The following PIBF1 variants were observed in gnomAD, a reference collection of about 807,000 sequenced individuals.
The protein encoded by PIBF1 is progesterone-induced-blocking factor 1.
In PIBF1, 90 loss-of-function variants were observed where a neutral mutation model predicts 112.5. The observed-to-expected ratio is 0.80, with a 90% CI of 0.67 to 0.95. The LOEUF is 0.95. Ranked by LOEUF, PIBF1 falls within the 40% of genes least tolerant of loss-of-function variation. The pLI is 0.00. For missense variants in PIBF1, 915 were observed against 852.3 expected, an observed-to-expected ratio of 1.07 and a Z score of -0.92; for synonymous variants, 301 against 288.6, an observed-to-expected ratio of 1.04 and a Z score of -0.44.
intron 11 of PIBF1, among the ~76,000 whole-genome samples, chr13:72,904,238 T>C (rs2040601135): frequency 6.6e-6 from 1 of 151,812 alleles, no homozygotes; most frequent in Non-Finnish European, 1.5e-5. Context: ...AAACAGAAAC[T>C]ACAATGCAAA....
intron 12 of PIBF1, among the ~76,000 whole-genome samples, chr13:72,913,425 AC>A (rs1030423603): frequency 6.6e-6 from 1 of 152,182 alleles, no homozygotes; most frequent in African/African-American, 2.4e-5. Context: ...CATCAAAAAA[AC>A]ATTCATGGAA....
At chr13:72,921,246 G>T (rs576859544) in intron 13 of PIBF1, among the ~76,000 whole-genome samples, 16 of 152,162 alleles carry the variant, frequency 1.1e-4, no homozygotes, top group Non-Finnish European at 2.1e-4. Flanking sequence ...GGGACTACAG[G>T]TGCATGCCAC....
intron 14 of PIBF1, among the ~76,000 whole-genome samples, chr13:72,937,675 T>C (rs2041906307): frequency 6.6e-6 from 1 of 151,892 alleles, no homozygotes; most frequent in African/African-American, 2.4e-5. Context: ...CAAAATTTAG[T>C]GTGGTAGCAG....
chr13:72,991,346 GA>G (rs1314792211), intron 16 of PIBF1, among the ~76,000 whole-genome samples: 4 of 152,052 alleles, frequency 2.6e-5, no homozygotes, highest in African/African-American at 9.7e-5. Flanking sequence ...CTTCAATTTT[GA>G]AAAGTAATTA....
chr13:72,926,434 A>G (rs2041485504), intron 13 of PIBF1, among the ~76,000 whole-genome samples: 2 of 152,188 alleles, frequency 1.3e-5, no homozygotes, highest in South Asian at 4.1e-4. Context: ...TCAAGAAATA[A>G]TTTTGCACAT....
chr13:72,908,729 A>G, intron 12 of PIBF1, 48 bp downstream of exon 12: 2 of 1,533,708 alleles, frequency 1.3e-6, no homozygotes, highest in Non-Finnish European at 1.8e-6. Flanking sequence ...TTTTCTGGCA[A>G]CAAAAGACGC....
rs71099760 is a variant in PIBF1, at chr13:72,858,023, T to TTGCTTTTTGTGTGTGTGTGTGTG, written c.1322+3870_1322+3871insCTTTTTGTGTGTGTGTGTGTGTG. Reference sequence around the variant, plus strand: ...TACCTATCAGAAGTACAAATGTACATTGTGTGTGTGTGTGTGTGTGTGTGT... The same window carrying TTGCTTTTTGTGTGTGTGTGTGTG: ...TACCTATCAGAAGTACAAATGTACATTGCTTTTTGTGTGTGTGTGTGTGTGTGTGTGTGTGTGTGTGTGTGTGT... On this transcript the variant is annotated intron_variant, in intron 10 of 17. Transcript: ENST00000326291. Among the ~76,000 whole-genome samples the TTGCTTTTTGTGTGTGTGTGTGTG allele has an allele frequency of 1.9e-3, 275 of 141,308 alleles. 1 individual carries two copies. The highest frequency in any genetic ancestry group is 3.8e-3 in the Admixed American group (53 of 14,002). 92.7% of individuals were successfully genotyped at this position (141,308 alleles called of 152,430 possible).
chr13:72,792,897 C>G (rs760716314), intron 3 of PIBF1, among the ~76,000 whole-genome samples: 1 of 152,154 alleles, frequency 6.6e-6, no homozygotes, highest in Non-Finnish European at 1.5e-5. Flanking sequence ...TCTATTATTC[C>G]TGTGTACTTT....
At chr13:72,801,829 C>T (rs1398950087) in intron 5 of PIBF1, among the ~76,000 whole-genome samples, 17 of 152,278 alleles carry the variant, frequency 1.1e-4, no homozygotes, top group African/African-American at 3.1e-4. Context: ...TATGAAGTGT[C>T]ACCAGTGATG....
chr13:72,857,826 G>C (rs907984196), intron 10 of PIBF1, among the ~76,000 whole-genome samples: 3 of 152,168 alleles, frequency 2.0e-5, no homozygotes, highest in Admixed American at 6.5e-5. Flanking sequence ...GGCTACAAGA[G>C]TGAAACTCTG....
chr13:72,968,174 A>G (rs189458871), intron 15 of PIBF1, among the ~76,000 whole-genome samples: 1 of 151,758 alleles, frequency 6.6e-6, no homozygotes, highest in Admixed American at 6.6e-5. Flanking sequence ...ACAGAGCCAG[A>G]CTCCGTCTCC....
In PIBF1 at chr13:72,798,063, C is replaced by T. The variant is rs767159895; in HGVS notation, c.672+37C>T. 26 of 1,557,828 alleles carry T rather than the reference C, an allele frequency of 1.7e-5. No individual in the cohort carries two copies. In the Admixed American group the frequency reaches 2.1e-4, roughly 13 times the overall value. On this transcript the variant is annotated intron_variant, in intron 5 of 17. Transcript: ENST00000326291. ...TTTGATTGCTGGTGGGAAGAAGCTT[C>T]GGCTTTTTCTGTAGAGTCCCTCAGG...
intron 13 of PIBF1, among the ~76,000 whole-genome samples, chr13:72,922,639 T>C (rs2041337762): frequency 6.6e-6 from 1 of 152,208 alleles, no homozygotes. Context: ...AGCTTTAAGT[T>C]AAAACTTTCA....
chr13:72,912,544 G>A (rs2040928605), intron 12 of PIBF1, among the ~76,000 whole-genome samples: 1 of 152,154 alleles, frequency 6.6e-6, no homozygotes, highest in African/African-American at 2.4e-5. Context: ...GTGAGAAGTG[G>A]AGCAACTGGC....
intron 10 of PIBF1, among the ~76,000 whole-genome samples, chr13:72,867,549 G>A (rs2038979321): frequency 6.6e-6 from 1 of 152,090 alleles, no homozygotes. Flanking sequence ...ACTAGATCTG[G>A]TAAAAAAATA....
chr13:72,902,847 C>T (rs2040548014), intron 11 of PIBF1, among the ~76,000 whole-genome samples: 1 of 151,492 alleles, frequency 6.6e-6, no homozygotes, highest in Non-Finnish European at 1.5e-5. Flanking sequence ...CTATGGTTTA[C>T]ATGTTCAGTA....
intron 8 of PIBF1, among the ~76,000 whole-genome samples, chr13:72,829,677 T>C (rs1031742014): frequency 2.0e-5 from 3 of 152,226 alleles, no homozygotes; most frequent in Non-Finnish European, 4.4e-5. Flanking sequence ...TTTTTATTAC[T>C]GTAGCCTTGT....
At chr13:72,894,253 T>C (rs2040179716) in intron 11 of PIBF1, among the ~76,000 whole-genome samples, 1 of 152,036 alleles carries the variant, frequency 6.6e-6, no homozygotes, top group Non-Finnish European at 1.5e-5. Flanking sequence ...AGAACTTCAC[T>C]GACATGTGAA....
intron 9 of PIBF1, among the ~76,000 whole-genome samples, chr13:72,847,300 G>T (rs768506066): frequency 5.3e-5 from 8 of 152,150 alleles, no homozygotes; most frequent in Non-Finnish European, 1.0e-4. Flanking sequence ...ATTTTATGCT[G>T]CTATAACAGG....
Sources: allele counts gnomAD v4.1 joint callset (sites outside exome capture counted in the v4.1 genomes callset), GRCh38; gene constraint gnomAD v4.1.1; transcripts MANE v1.5; gene names NCBI Gene and HGNC (gene_info 2026-07-23, HGNC 2026-07-21).